Variants in LTK observed in about 807,000 individuals in gnomAD.
The protein encoded by LTK is leukocyte receptor tyrosine kinase, also known as leukocyte tyrosine kinase receptor.
LTK carries 117 observed loss-of-function variants against 101.5 expected under a neutral mutation model. The observed-to-expected ratio is 1.15, with a 90% CI of 0.99 to 1.34. The LOEUF (loss-of-function observed/expected upper bound fraction) is 1.34, where lower values mean the gene tolerates loss of function less well. LTK is among the 40% of genes most tolerant of loss of function. The probability of loss-of-function intolerance (pLI) is 0.00; values close to 1 mark genes in which losing one functional copy is unlikely to be tolerated. For missense variants in LTK, 1,252 were observed against 1,164.7 expected, an observed-to-expected ratio of 1.07 and a Z score of -1.09; for synonymous variants, 563 against 494.2, an observed-to-expected ratio of 1.14 and a Z score of -1.85.
rs754128261 is a variant in LTK, at chr15:41,504,447, G to A, written c.2256-15C>T. On this transcript the variant is annotated splice_polypyrimidine_tract_variant and intron_variant, in intron 18 of 19. Coordinates refer to ENST00000263800, the MANE Select transcript of LTK (RefSeq NM_002344.6). The stretch of plus-strand genomic sequence containing the variant: ...TGATGCGGTACCTGGGGAGAGGCAG[G>A]AGTTCATGCCCACCCATGGTTGTGA... The A allele has an allele frequency of 6.2e-7, 1 of 1,614,070 alleles. No homozygotes were observed. Among genetic ancestry groups the A allele is most frequent in the Non-Finnish European group, 8.5e-7 (1 of 1,180,004 alleles).
rs1228483463 is a variant in LTK at position 41,503,919 on chromosome 15, C to G, written c.*77G>C. The G allele has an allele frequency of 2.7e-6, 4 of 1,484,370 alleles. No homozygotes were observed. In the African/African-American group the frequency reaches 5.6e-5, roughly 21 times the overall value. 91.9% of individuals were successfully genotyped at this position (1,484,370 alleles called of 1,614,324 possible). ...CAGGGAACAGAGGCCGCTGGCATAA[C>G]AGGCCACCCAGGAGCCTGAGGAGTA... On this transcript the variant is annotated 3_prime_UTR_variant, in exon 20 of 20. Coordinates refer to ENST00000263800, the MANE Select transcript of LTK (RefSeq NM_002344.6).
In LTK at chr15:41,505,207, C is replaced by G. The variant is rs1288244746; in HGVS notation, c.1925+1G>C. 6.2e-7 allele frequency: 1 copy of G among 1,613,838 alleles called. No homozygotes were observed. ...TCCCCTGAGCCAGGACTGCTCCTAA[C>G]CTGTGGATGAAGTGATTTTCCTCCA... is the stretch of plus-strand genomic sequence containing the variant. On this transcript the variant is annotated splice_donor_variant, in intron 15 of 19. Coordinates refer to ENST00000263800, the MANE Select transcript of LTK (RefSeq NM_002344.6). LOFTEE classifies it high-confidence loss of function.
chr15:41,506,031 G>C, intron 11 of LTK, 26 bp from the exon 12 acceptor site: 1 of 1,533,434 alleles, frequency 6.5e-7, no homozygotes, highest in Non-Finnish European at 9.0e-7. Flanking sequence ...TTGGAAGGGA[G>C]TGGGCAGGCG....
chr15:41,505,036 T>G lies in LTK; in HGVS notation c.1954A>C (p.Ser652Arg). The G allele has an allele frequency of 6.2e-7, 1 of 1,613,444 alleles. No homozygotes were observed. The highest frequency in any genetic ancestry group is 8.5e-7 in the Non-Finnish European group (1 of 1,179,640). Residue 652 changes from serine to arginine, a missense_variant, in exon 16 of 20, where the codon AGC becomes CGC. Coordinates refer to ENST00000263800, the MANE Select transcript of LTK (RefSeq NM_002344.6). ...RDIAARNCLLSCAGPSRVAKI... is the reference protein window; with the variant it reads ...RDIAARNCLLRCAGPSRVAKI... ...GCCACTCGGCTGGGTCCAGCGCAGC[T>G]CAGCAGGCAGTTCCGGGCGGCAATA...
rs1489444214 is a variant in LTK, at chr15:41,504,098, C to G, written c.2493G>C (p.Trp831Cys). The change falls in exon 20 of 20, where the codon TGG becomes TGC. Residue 831 changes from tryptophan (W) to cysteine (C), a missense_variant. By Grantham distance (215) the Trp-to-Cys change is radical (BLOSUM62 -2). Coordinates refer to ENST00000263800, the MANE Select transcript of LTK (RefSeq NM_002344.6). ...GCCAGGGGCCAAGAGGGCTACCTCC[C>G]CAGCTTTTCAACTTCTCTGGACTCA... is the stretch of plus-strand genomic sequence containing the variant. ...QELSPEKLKSWGGSPLGPWLS... is the reference protein window; with the variant it reads ...QELSPEKLKSCGGSPLGPWLS... The G allele has an allele frequency of 1.9e-6, 3 of 1,614,104 alleles. No homozygotes were observed. The East Asian group carries it at 6.7e-5, about 36-fold the overall frequency.
At chr15:41,507,917 C>T in intron 9 of LTK, 152 bp downstream of exon 9, 1 of 800,772 alleles carries the variant, frequency 1.2e-6, no homozygotes, top group Non-Finnish European at 1.9e-6. Flanking sequence ...CTCTGAAAGG[C>T]ACTGTGCACC....
Position 41,504,203 on chromosome 15 carries a change from C to A in LTK, c.2388G>T (p.Gly796=), listed in dbSNP as rs772200858. 1.2e-6 allele frequency: 2 copies of A among 1,611,590 alleles called. No individual in the cohort carries two copies. The highest frequency in any genetic ancestry group is 3.3e-5 in the Admixed American group (2 of 59,934). Reference sequence around the variant, plus strand: ...AAGTCCCTTCCTCCTCTGGGGTGGGCCCCAGCTCCATTGGCAGGAGTGAAT... The same window carrying A: ...AAGTCCCTTCCTCCTCTGGGGTGGGACCCAGCTCCATTGGCAGGAGTGAAT... ...VLNSLLPMEL[G]PTPEEEGTSG... is the part of the protein sequence containing the mutation. Residue 796 remains glycine (G), a synonymous_variant, in exon 20 of 20, where the codon GGG becomes GGT. Transcript: ENST00000263800.
Position 41,511,594 on chromosome 15 carries a change from C to A in LTK, c.658-16G>T. ...CAGCGCGCACCTGTGGGGCCAGCGG[C>A]GTGTTCCAGGAAGCGCCCTCCAGCT... On this transcript the variant is annotated splice_polypyrimidine_tract_variant and intron_variant, in intron 5 of 19. Transcript: ENST00000263800. The surrounding 1 kb of genome is among the most constrained non-coding windows in gnomAD (Gnocchi z 5.9). 1 of 1,434,134 alleles carries A rather than the reference C, an allele frequency of 7.0e-7. No individual in the cohort carries two copies. 88.8% of individuals were successfully genotyped at this position (1,434,134 alleles called of 1,614,324 possible).
chr15:41,512,034 G>A (rs1045292503), intron 4 of LTK, 71 bp from the exon 5 acceptor site: 2 of 1,472,968 alleles, frequency 1.4e-6, no homozygotes, highest in Middle Eastern at 2.1e-4. Context: ...ACCCGGCACC[G>A]AGGAAAGCAC....
intron 7 of LTK, among the ~76,000 whole-genome samples, 171 bp downstream of exon 7, chr15:41,510,993 C>A (rs527662977): frequency 1.1e-4 from 16 of 152,334 alleles, no homozygotes; most frequent in Non-Finnish European, 1.8e-4. Flanking sequence ...TGCTGATTTG[C>A]AGTGTATTTG....
Position 41,505,158 on chromosome 15 carries a change from T to C in LTK, c.1925+50A>G, listed in dbSNP as rs750193543. ...AAAAGCTGTGTGGAAGGGCTGTTCC[T>C]TGGGGAGGGAGTTGGGATGGGGGTC... On this transcript the variant is annotated intron_variant, in intron 15 of 19. Coordinates refer to ENST00000263800, the MANE Select transcript of LTK (RefSeq NM_002344.6). The C allele has an allele frequency of 8.2e-6, 13 of 1,592,934 alleles. No individual in the cohort carries two copies. The African/African-American group carries it at 1.7e-4, about 21-fold the overall frequency.
chr15:41,511,763 G>T lies in LTK; in HGVS notation c.657+54C>A. ...ACGGACGGAGAGCCGGTGCGTGAGC[G>T]CCCCTGGGGAGAGGATTGGGACCCC... On this transcript the variant is annotated intron_variant, in intron 5 of 19. Coordinates refer to ENST00000263800, the MANE Select transcript of LTK (RefSeq NM_002344.6). This position sits in a 1 kb window ranked among gnomAD's most constrained non-coding sequence, Gnocchi z 5.9. 6.9e-7 allele frequency: 1 copy of T among 1,454,802 alleles called. No individual in the cohort carries two copies. The allele number at this position is 1,454,802 out of a possible 1,614,324, so 90.1% of individuals were successfully genotyped here.
rs11631555 is a variant in LTK, at chr15:41,513,801, C to T, written c.-92G>A. 12,612 of 1,157,556 alleles carry T rather than the reference C, an allele frequency of 0.011. 112 individuals are homozygous for T. The highest frequency in any genetic ancestry group is 0.014 in the Non-Finnish European group (10,408 of 767,632). The allele number at this position is 1,157,556 out of a possible 1,614,324, so 71.7% of individuals were successfully genotyped here. A position where few individuals can be genotyped will look rare whatever the true frequency, so the allele number is the denominator to read the frequency against. On this transcript the variant is annotated 5_prime_UTR_variant, in exon 1 of 20. Coordinates refer to ENST00000263800, the MANE Select transcript of LTK (RefSeq NM_002344.6). ...TGACAGCTCATTTTGCCACGGCAGC[C>T]CTGGCCACCACTTACAGGGGTGTGC...
rs759791290 is a variant in LTK at position 41,513,726 on chromosome 15, C to CGGCCCCACCCCTGTGG, written c.-18_-17insCCACAGGGGTGGGGCC. The CGGCCCCACCCCTGTGG allele has an allele frequency of 3.1e-6, 5 of 1,613,050 alleles. No homozygotes were observed. In the Admixed American group the frequency reaches 8.3e-5, roughly 27 times the overall value. On this transcript the variant is annotated 5_prime_UTR_variant, in exon 1 of 20. Coordinates refer to ENST00000263800, the MANE Select transcript of LTK (RefSeq NM_002344.6). ...GCAGCCCATCCCTGTTGGGTCCACC[C>CGGCCCCACCCCTGTGG]GGCAACAAAAGCCCTTGCGGTCGCG...
At position 41,511,956 on chromosome 15, in the gene LTK, G is replaced by A. The variant is rs1284934527; in HGVS notation, c.518C>T (p.Pro173Leu). 3 of 1,479,654 alleles carry A rather than the reference G, an allele frequency of 2.0e-6. No individual in the cohort carries two copies. The highest frequency in any genetic ancestry group is 1.4e-5 in the South Asian group (1 of 72,592). The allele number at this position is 1,479,654 out of a possible 1,614,324, so 91.7% of individuals were successfully genotyped here. Residue 173 changes from proline to leucine, a missense_variant, in exon 5 of 20, where the codon CCG (proline) becomes CTG (leucine). Transcript: ENST00000263800. The surrounding 1 kb of genome is among the most constrained non-coding windows in gnomAD (Gnocchi z 5.9). ...QGEDACPGGSPESQLVCLGES... is the reference protein window; with the variant it reads ...QGEDACPGGSLESQLVCLGES... ...CCCGAGGCAGACGAGCTGGCTCTCC[G>A]GGCTACCCTGCGGGCAGCGGGGGAG... is the stretch of plus-strand genomic sequence containing the variant.
chr15:41,513,783 T>A lies in LTK; in HGVS notation c.-74A>T. 7.4e-7 allele frequency: 1 copy of A among 1,345,460 alleles called. No individual in the cohort carries two copies. The highest frequency in any genetic ancestry group is 1.1e-6 in the Non-Finnish European group (1 of 936,132). The allele number at this position is 1,345,460 out of a possible 1,614,324, so 83.3% of individuals were successfully genotyped here. ...CCCCTGTCAACCTAAAGTTGACAGC[T>A]CATTTTGCCACGGCAGCCCTGGCCA... On this transcript the variant is annotated 5_prime_UTR_variant, in exon 1 of 20. Transcript: ENST00000263800.
chr15:41,511,406 C>T lies in LTK; in HGVS notation c.814+16G>A. 1.5e-6 allele frequency: 2 copies of T among 1,373,866 alleles called. No individual in the cohort carries two copies. Among genetic ancestry groups the T allele is most frequent in the Non-Finnish European group, 9.3e-7 (1 of 1,072,418 alleles). 85.1% of individuals were successfully genotyped at this position (1,373,866 alleles called of 1,614,324 possible). Reference sequence around the variant, plus strand: ...CGGGGAGCACGCCCGCCTCTCCCCGCGGCCCGCGCCCTCACCTGCCGCCCC... The same window carrying T: ...CGGGGAGCACGCCCGCCTCTCCCCGTGGCCCGCGCCCTCACCTGCCGCCCC... On this transcript the variant is annotated intron_variant, in intron 6 of 19. Coordinates refer to ENST00000263800, the MANE Select transcript of LTK (RefSeq NM_002344.6). This position sits in a 1 kb window ranked among gnomAD's most constrained non-coding sequence, Gnocchi z 5.9.
intron 7 of LTK, among the ~76,000 whole-genome samples, chr15:41,510,882 G>C (rs1450442504): frequency 6.6e-6 from 1 of 152,142 alleles, no homozygotes; most frequent in African/African-American, 2.4e-5. Context: ...TTGCTCACTC[G>C]GCCAGCTCTA....
Position 41,512,874 on chromosome 15 carries a change from G to A in LTK, c.192C>T (p.Thr64=), listed in dbSNP as rs1595472574. 1.2e-6 allele frequency: 2 copies of A among 1,610,138 alleles called. No individual in the cohort carries two copies. Among genetic ancestry groups the A allele is most frequent in the Non-Finnish European group, 1.7e-6 (2 of 1,177,844 alleles). ...EPASPLNSPG[T]EGSWLFSTCG... ...AGGTAGAAAACAGCCAAGACCCCTC[G>A]GTGCCTGAGAGCAAGGAGCGAGGCA... The change falls in exon 3 of 20, where the codon ACC becomes ACT. Residue 64 remains threonine (T), a synonymous_variant. Transcript: ENST00000263800.
Sources: gnomAD v4.1 joint callset for allele counts (sites outside exome capture counted in the v4.1 genomes callset) on GRCh38, gnomAD v4.1.1 for gene constraint, Gnocchi (gnomAD v3.1) non-coding constraint, MANE v1.5 for transcripts, NCBI Gene and HGNC (gene_info 2026-07-23, HGNC 2026-07-21) for gene names.